GRIN2A: variants seen among roughly 807,000 people sequenced by gnomAD.
GRIN2A encodes glutamate receptor ionotropic, NMDA 2A.
In GRIN2A, 22 loss-of-function variants were observed where a neutral mutation model predicts 113.4. That is an observed-to-expected ratio of 0.19 (90% CI 0.14 to 0.28). The LOEUF (loss-of-function observed/expected upper bound fraction) is 0.28. Among genes scored for constraint, GRIN2A ranks in the 10% least tolerant of loss-of-function variants. GRIN2A has a pLI of 1.00. For missense variants in GRIN2A, 1,502 were observed against 1,887.0 expected (o/e 0.80, Z 3.78); for synonymous variants, 827 against 738.4 (o/e 1.12, Z -1.94).
At chr16:9,796,639 A>G (rs1903005631) in intron 11 of GRIN2A, among the ~76,000 whole-genome samples, 1 of 152,216 alleles carries the variant, frequency 6.6e-6, no homozygotes, top group Non-Finnish European at 1.5e-5. Context: ...TGCTTCTGCC[A>G]TGGCCAGGAA....
intron 2 of GRIN2A, among the ~76,000 whole-genome samples, chr16:10,116,847 C>A (rs569884326): frequency 3.3e-5 from 5 of 152,082 alleles, no homozygotes; most frequent in African/African-American, 1.2e-4. Flanking sequence ...TTATTTATCC[C>A]CTGCCACTTC....
chr16:9,840,870 T>C (rs943021516), intron 6 of GRIN2A, 66 bp downstream of exon 6: 14 of 1,558,404 alleles, frequency 9.0e-6, no homozygotes, highest in Admixed American at 5.0e-5. Flanking sequence ...CTTTTCCTGC[T>C]AACATTCCTG....
At chr16:10,067,117 G>A (rs57705810) in intron 2 of GRIN2A, among the ~76,000 whole-genome samples, 4,536 of 152,040 alleles carry the variant, frequency 0.03, 238 homozygotes, top group African/African-American at 0.1. Context: ...CCTCTTTTTT[G>A]CTGTTTCTTT....
At chr16:9,814,500 C>T (rs1419820326) in intron 10 of GRIN2A, among the ~76,000 whole-genome samples, 1 of 152,154 alleles carries the variant, frequency 6.6e-6, no homozygotes, top group East Asian at 1.9e-4. Context: ...GCAAAGATGC[C>T]TGGACATATG....
chr16:9,843,419 T>TCCTGG (rs2042717778), intron 5 of GRIN2A, among the ~76,000 whole-genome samples: 1 of 152,180 alleles, frequency 6.6e-6, no homozygotes, highest in East Asian at 1.9e-4. Flanking sequence ...AGACTGGACC[T>TCCTGG]CCTGGCCTCA....
chr16:9,858,692 A>G (rs1250799037), intron 4 of GRIN2A, among the ~76,000 whole-genome samples: 4 of 152,208 alleles, frequency 2.6e-5, no homozygotes, highest in Admixed American at 6.5e-5. Flanking sequence ...TTCAGCTCCT[A>G]GAAAGATTTT....
intron 4 of GRIN2A, among the ~76,000 whole-genome samples, chr16:9,865,020 A>T (rs2043139319): frequency 6.6e-6 from 1 of 152,156 alleles, no homozygotes; most frequent in South Asian, 2.1e-4. Context: ...CTTAGATAAG[A>T]TGGTATTTTG....
chr16:9,786,933 G>A (rs1902265511), intron 11 of GRIN2A, among the ~76,000 whole-genome samples: 1 of 152,150 alleles, frequency 6.6e-6, no homozygotes. Context: ...GACCTGAAGA[G>A]TCACATCCTA....
At chr16:9,830,198 G>C (rs964328661) in intron 8 of GRIN2A, among the ~76,000 whole-genome samples, 2 of 152,182 alleles carry the variant, frequency 1.3e-5, no homozygotes, top group Non-Finnish European at 2.9e-5. Flanking sequence ...TCTCCAAATG[G>C]AGACATTAAG....
rs185089645 is a variant in GRIN2A at position 9,903,160 on chromosome 16, G to A, written c.1008-12060C>T. Among the ~76,000 whole-genome samples, 1,327 of 151,950 alleles carry A rather than the reference G, an allele frequency of 8.7e-3. 14 individuals carry two copies. The highest frequency in any genetic ancestry group is 0.014 in the Non-Finnish European group (935 of 67,962). On this transcript the variant is annotated intron_variant, in intron 3 of 12. Transcript: ENST00000330684. ...ATTTTTTTGTATTTTTAGTAGAGAC[G>A]GGGTTTCACTGTGTTAGCCAGGATG...
intron 2 of GRIN2A, chr16:10,031,646 C>G (rs1454541303): frequency 1.3e-5 from 2 of 152,304 alleles, no homozygotes; most frequent in Non-Finnish European, 2.9e-5. Context: ...ACTCCTCTCC[C>G]CTGCAGCCAG....
chr16:10,120,446 T>TC (rs1232564849), intron 2 of GRIN2A, among the ~76,000 whole-genome samples: 11 of 152,294 alleles, frequency 7.2e-5, no homozygotes, highest in African/African-American at 2.4e-4. Context: ...TATAACTTTC[T>TC]CCGTTCTCCT....
chr16:10,056,918 C>A (rs1047242789), intron 2 of GRIN2A, among the ~76,000 whole-genome samples: 2 of 152,064 alleles, frequency 1.3e-5, no homozygotes, highest in African/African-American at 4.8e-5. Context: ...TGTTGAGCAG[C>A]CCTAGGAAAC....
chr16:10,043,934 T>C (rs932174807), intron 2 of GRIN2A, among the ~76,000 whole-genome samples: 3 of 149,090 alleles, frequency 2.0e-5, no homozygotes, highest in Non-Finnish European at 3.0e-5. Flanking sequence ...TATGTGTGTA[T>C]ATATACACAC....
intron 7 of GRIN2A, among the ~76,000 whole-genome samples, chr16:9,839,416 C>T (rs933301505): frequency 1.6e-4 from 24 of 149,574 alleles, no homozygotes; most frequent in African/African-American, 3.8e-4. Flanking sequence ...CATAAATTTA[C>T]AAAACGGTTA....
chr16:9,974,559 G>T (rs1277745075), intron 2 of GRIN2A, among the ~76,000 whole-genome samples: 1 of 152,190 alleles, frequency 6.6e-6, no homozygotes, highest in Non-Finnish European at 1.5e-5. Context: ...CAACTCTTGA[G>T]ACAGGAGTCT....
intron 11 of GRIN2A, among the ~76,000 whole-genome samples, chr16:9,785,554 C>T (rs897537397): frequency 2.0e-5 from 3 of 151,376 alleles, no homozygotes; most frequent in African/African-American, 4.9e-5. Context: ...TAAACCTGCA[C>T]GTTGTGCACG....
At chr16:9,908,502 G>A (rs1475191485) in intron 3 of GRIN2A, among the ~76,000 whole-genome samples, 1 of 151,936 alleles carries the variant, frequency 6.6e-6, no homozygotes, top group South Asian at 2.1e-4. Flanking sequence ...ATAATTGTGG[G>A]GAGAGTAGGA....
chr16:10,024,007 T>G (rs2046772528), intron 2 of GRIN2A, among the ~76,000 whole-genome samples: 1 of 152,178 alleles, frequency 6.6e-6, no homozygotes, highest in Non-Finnish European at 1.5e-5. Context: ...CTTAGAGAGG[T>G]TAAATGACTC....
Sources: gnomAD v4.1 joint callset for allele counts (sites outside exome capture counted in the v4.1 genomes callset) on GRCh38, gnomAD v4.1.1 for gene constraint, MANE v1.5 for transcripts, NCBI Gene and HGNC (gene_info 2026-07-23, HGNC 2026-07-21) for gene names.